Variants in MARCHF10 observed in about 807,000 individuals in gnomAD.
MARCHF10 encodes the protein membrane associated ring-CH-type finger 10, also known as probable E3 ubiquitin-protein ligase MARCHF10.
In MARCHF10, 64 loss-of-function variants were observed where a neutral mutation model predicts 76.2. The ratio of observed to expected loss-of-function variants is 0.84; its 90% CI spans 0.69 to 1.03. MARCHF10 has a LOEUF of 1.03. Among genes scored for constraint, MARCHF10 ranks in the 50% least tolerant of loss-of-function variants. The pLI is 0.00. For missense variants in MARCHF10, 875 were observed against 958.0 expected (o/e 0.91, Z 1.14); for synonymous variants, 340 against 357.5 (o/e 0.95, Z 0.55).
chr17:62,758,983 A>G (rs1175347749), intron 4 of MARCHF10, among the ~76,000 whole-genome samples: 2 of 152,226 alleles, frequency 1.3e-5, no homozygotes, highest in Non-Finnish European at 2.9e-5. Context: ...CTTTCTGGAT[A>G]CTATTAAATC....
chr17:62,803,451 T>C (rs1212859699), intron 1 of MARCHF10, among the ~76,000 whole-genome samples: 2 of 151,990 alleles, frequency 1.3e-5, no homozygotes, highest in Non-Finnish European at 2.9e-5. Flanking sequence ...CAGCATCGGG[T>C]AGCAACAGTG....
chr17:62,709,087 C>T (rs1027313194), intron 9 of MARCHF10, among the ~76,000 whole-genome samples: 3 of 152,168 alleles, frequency 2.0e-5, no homozygotes, highest in Admixed American at 1.3e-4. Context: ...GACATCAGGG[C>T]GTCATGTCTA....
At chr17:62,783,270 A>T (rs955908956) in intron 3 of MARCHF10, among the ~76,000 whole-genome samples, 3 of 141,280 alleles carry the variant, frequency 2.1e-5, no homozygotes, top group Non-Finnish European at 4.5e-5. Flanking sequence ...CTGCTCCTGA[A>T]TGACTACTGG....
intron 4 of MARCHF10, chr17:62,747,087 C>A: frequency 2.6e-6 from 2 of 770,684 alleles, no homozygotes; most frequent in Non-Finnish European, 4.2e-6. Flanking sequence ...AGCCTGCACG[C>A]TCCTTAAGAA....
chr17:62,773,993 A>C (rs2092498045), intron 3 of MARCHF10, among the ~76,000 whole-genome samples: 1 of 152,218 alleles, frequency 6.6e-6, no homozygotes, highest in African/African-American at 2.4e-5. Context: ...GAGAATTATT[A>C]AGAGGGTCAA....
At chr17:62,739,037 G>A (rs1334496252) in intron 5 of MARCHF10, among the ~76,000 whole-genome samples, 3 of 152,176 alleles carry the variant, frequency 2.0e-5, no homozygotes, top group African/African-American at 7.2e-5. Context: ...TGTGGCTCAC[G>A]CCTGTAATCC....
intron 3 of MARCHF10, among the ~76,000 whole-genome samples, chr17:62,781,356 G>A (rs879495426): frequency 3.9e-5 from 6 of 152,096 alleles, no homozygotes; most frequent in Admixed American, 6.6e-5. Flanking sequence ...AGTCTCCTTC[G>A]TTTTCACAAT....
chr17:62,702,677 T>G (rs944461043), intron 10 of MARCHF10, among the ~76,000 whole-genome samples: 5 of 151,076 alleles, frequency 3.3e-5, no homozygotes, highest in Non-Finnish European at 7.4e-5. Flanking sequence ...AAAAGAAAAA[T>G]AAAAAAAGAA....
intron 3 of MARCHF10, among the ~76,000 whole-genome samples, chr17:62,768,086 G>C (rs1365394243): frequency 6.6e-6 from 1 of 152,228 alleles, no homozygotes; most frequent in East Asian, 1.9e-4. Flanking sequence ...CTGAAAGTCT[G>C]AGAAGTGCTG....
At chr17:62,717,932 C>T (rs1253349868) in intron 8 of MARCHF10, among the ~76,000 whole-genome samples, 1 of 152,188 alleles carries the variant, frequency 6.6e-6, no homozygotes, top group South Asian at 2.1e-4. Context: ...GCGGTGGGGC[C>T]GAGGATATGG....
chr17:62,739,225 G>C (rs7208224), intron 5 of MARCHF10, among the ~76,000 whole-genome samples: 7,182 of 152,080 alleles, frequency 0.047, 567 homozygotes, highest in African/African-American at 0.16. Flanking sequence ...CTTGAACCCA[G>C]GAGGCAGAGG....
At chr17:62,746,913 T>G in intron 4 of MARCHF10, 1 of 1,536,168 alleles carries the variant, frequency 6.5e-7, no homozygotes, top group South Asian at 1.2e-5. Context: ...TTCCCCAGAC[T>G]GCACCAGCCA....
intron 2 of MARCHF10, among the ~76,000 whole-genome samples, chr17:62,792,547 G>GCAC (rs1046052376): frequency 1.2e-4 from 14 of 112,504 alleles, no homozygotes; most frequent in South Asian, 9.2e-4. Flanking sequence ...ACCACCACCT[G>GCAC]CACCACCACC....
chr17:62,776,343 T>G (rs2092554328), intron 3 of MARCHF10, among the ~76,000 whole-genome samples: 1 of 152,206 alleles, frequency 6.6e-6, no homozygotes, highest in South Asian at 2.1e-4. Context: ...CAATTGGTGC[T>G]TCTATCAACC....
intron 6 of MARCHF10, among the ~76,000 whole-genome samples, chr17:62,734,279 A>G (rs2091165477): frequency 6.6e-6 from 1 of 152,134 alleles, no homozygotes; most frequent in Non-Finnish European, 1.5e-5. Context: ...TGATAAACGC[A>G]ATACAGGAAT....
chr17:62,805,716 G>A (rs528926486), intron 1 of MARCHF10, among the ~76,000 whole-genome samples: 2 of 152,000 alleles, frequency 1.3e-5, no homozygotes, highest in Admixed American at 6.6e-5. Context: ...GTTCGAGATC[G>A]GCCTGGCCAA....
chr17:62,788,189 G>T lies in MARCHF10; in HGVS notation c.210+291C>A, dbSNP rs79987658. ...AGTTGCAGCATTTCTCATCTGGATG[G>T]TGTCCCATAGACCATCTGTGTCAGG... On this transcript the variant is annotated intron_variant, in intron 3 of 10. Transcript: ENST00000311269. Among the ~76,000 whole-genome samples, 1,046 of 152,260 alleles carry T rather than the reference G, an allele frequency of 6.9e-3. 8 individuals carry two copies. Among genetic ancestry groups the T allele is most frequent in the Non-Finnish European group, 0.011 (734 of 68,012 alleles).
intron 8 of MARCHF10, among the ~76,000 whole-genome samples, chr17:62,716,242 C>T (rs1421650455): frequency 2.6e-5 from 4 of 152,108 alleles, no homozygotes; most frequent in Non-Finnish European, 4.4e-5. Context: ...TTGGGTACGG[C>T]AGCATTTTCG....
At chr17:62,733,690 T>C (rs141805128) in intron 6 of MARCHF10, among the ~76,000 whole-genome samples, 2 of 152,342 alleles carry the variant, frequency 1.3e-5, no homozygotes, top group African/African-American at 4.8e-5. Context: ...CGAATGTCCA[T>C]TGACAGAATG....
Sources: gnomAD v4.1 joint callset for allele counts (sites outside exome capture counted in the v4.1 genomes callset) on GRCh38, gnomAD v4.1.1 for gene constraint, MANE v1.5 for transcripts, NCBI Gene and HGNC (gene_info 2026-07-23, HGNC 2026-07-21) for gene names.